The following MLLT3 variants were observed in gnomAD, a reference collection of about 807,000 sequenced individuals.
The protein encoded by MLLT3 is protein AF-9.
A neutral mutation model predicts 53.2 loss-of-function variants in MLLT3; 4 were observed. That is an observed-to-expected ratio of 0.08 (90% CI 0.04 to 0.17). MLLT3 has a LOEUF of 0.17. Ranked by LOEUF, MLLT3 falls within the 10% of genes least tolerant of loss-of-function variation. The pLI, the probability that MLLT3 is intolerant of heterozygous loss-of-function variation, is 1.00. For synonymous variants in MLLT3, 283 were observed against 230.6 expected, an observed-to-expected ratio of 1.23 and a Z score of -2.06; for missense variants, 569 against 684.0, an observed-to-expected ratio of 0.83 and a Z score of 1.87.
intron 4 of MLLT3, among the ~76,000 whole-genome samples, chr9:20,435,514 G>GT (rs1554682698): frequency 6.6e-6 from 1 of 152,110 alleles, no homozygotes; most frequent in Non-Finnish European, 1.5e-5. Flanking sequence ...CCCACAGTAG[G>GT]TACTCAAATA....
At position 20,413,771 on chromosome 9, in the gene MLLT3, C is replaced by T; in HGVS notation, c.1075G>A (p.Val359Met). ...TCCACATCTGAATCATTGGGATCCACAATATCATCAAATGGCGGTAACGTT... is the reference window on the plus strand; with the variant it reads ...TCCACATCTGAATCATTGGGATCCATAATATCATCAAATGGCGGTAACGTT... ...KSTLPPFDDI[V>M]DPNDSDVEEN... The change falls in exon 5 of 11, where the codon GTG (valine) becomes ATG (methionine). Residue 359 changes from valine (V) to methionine (M), a missense_variant. Coordinates refer to ENST00000380338, the MANE Select transcript of MLLT3 (RefSeq NM_004529.4). The T allele has an allele frequency of 1.2e-6, 2 of 1,613,362 alleles. No homozygotes were observed. The highest frequency in any genetic ancestry group is 1.7e-6 in the Non-Finnish European group (2 of 1,179,694).
chr9:20,505,875 C>A (rs1221884225), intron 2 of MLLT3, among the ~76,000 whole-genome samples: 2 of 152,140 alleles, frequency 1.3e-5, no homozygotes, highest in Non-Finnish European at 2.9e-5. Context: ...GTTTAGATAC[C>A]CCCTCAGTGT....
At chr9:20,350,594 C>CAAAAAAAAAAAA (rs774973521) in intron 10 of MLLT3, among the ~76,000 whole-genome samples, 46 of 123,956 alleles carry the variant, frequency 3.7e-4, no homozygotes, top group African/African-American at 1.9e-3. Flanking sequence ...GACTCCGTCT[C>CAAAAAAAAAAAA]AAAAAAAGAA....
intron 2 of MLLT3, chr9:20,532,608 GA>G: frequency 2.8e-5 from 7 of 253,504 alleles, no homozygotes; most frequent in Middle Eastern, 9.4e-4. Context: ...CTGCTGTCCT[GA>G]AAAAGCAGGA....
intron 3 of MLLT3, among the ~76,000 whole-genome samples, chr9:20,453,837 T>C (rs1823896719): frequency 6.6e-6 from 1 of 152,192 alleles, no homozygotes; most frequent in Non-Finnish European, 1.5e-5. Flanking sequence ...GATTACATAA[T>C]TACCATTTAT....
intron 2 of MLLT3, among the ~76,000 whole-genome samples, chr9:20,486,776 T>C (rs998400805): frequency 6.6e-6 from 1 of 152,182 alleles, no homozygotes; most frequent in Non-Finnish European, 1.5e-5. Flanking sequence ...GCATCGTTAC[T>C]GTATTACAGC....
chr9:20,399,960 C>T (rs562145015), intron 5 of MLLT3, among the ~76,000 whole-genome samples: 3 of 151,662 alleles, frequency 2.0e-5, no homozygotes, highest in East Asian at 1.9e-4. Context: ...GAAGAAAGAA[C>T]GATGGAACAA....
intron 2 of MLLT3, among the ~76,000 whole-genome samples, chr9:20,538,247 T>C (rs1263704682): frequency 2.0e-5 from 3 of 152,252 alleles, no homozygotes; most frequent in Non-Finnish European, 2.9e-5. Flanking sequence ...AGCACTGTGT[T>C]TAATCCAATT....
At chr9:20,454,607 T>C (rs1203491026) in intron 3 of MLLT3, among the ~76,000 whole-genome samples, 1 of 152,206 alleles carries the variant, frequency 6.6e-6, no homozygotes, top group Non-Finnish European at 1.5e-5. Flanking sequence ...TTTAATTTCT[T>C]TGAGTTAAGA....
rs1309088931 is a variant in MLLT3 at position 20,584,406 on chromosome 9, C to G, written c.193+36248G>C. ...AAATCACTTCCACATTTCTGGGTAT[C>G]TTTTCAGCAAAGCCCCACTCTACTG... On this transcript the variant is annotated intron_variant, in intron 2 of 10. Coordinates refer to ENST00000380338, the MANE Select transcript of MLLT3 (RefSeq NM_004529.4). Among the ~76,000 whole-genome samples, 4 of 152,174 alleles carry G rather than the reference C, an allele frequency of 2.6e-5. No individual in the cohort carries two copies. In the East Asian group the frequency reaches 7.7e-4, roughly 29 times the overall value.
In MLLT3 at chr9:20,621,999, CG is replaced by C; in HGVS notation, c.12+245del. On this transcript the variant is annotated intron_variant, in intron 1 of 10. Coordinates refer to ENST00000380338, the MANE Select transcript of MLLT3 (RefSeq NM_004529.4). The surrounding 1 kb of genome is among the most constrained non-coding windows in gnomAD (Gnocchi z 7.0). ...AAAGAGGCGAGGAGGGAGGGAGGCGCGGGGGGTGGAGGGGCGAGTGTGAGCG... is the reference window on the plus strand; with the variant it reads ...AAAGAGGCGAGGAGGGAGGGAGGCGCGGGGGTGGAGGGGCGAGTGTGAGCG... The C allele has an allele frequency of 4.1e-6, 5 of 1,217,744 alleles. No homozygotes were observed. Among genetic ancestry groups the C allele is most frequent in the Admixed American group, 4.5e-5 (1 of 22,248 alleles). The allele number at this position is 1,217,744 out of a possible 1,614,324, so 75.4% of individuals were successfully genotyped here.
intron 2 of MLLT3, among the ~76,000 whole-genome samples, chr9:20,508,425 G>T (rs73648224): frequency 0.05 from 7,668 of 152,186 alleles, 271 homozygotes; most frequent in Middle Eastern, 0.1. Context: ...GGACACTACC[G>T]CAGTGCCAAC....
In MLLT3 at chr9:20,529,076, C is replaced by A. The variant is rs1173351806; in HGVS notation, c.194-72290G>T. 2.0e-5 allele frequency among the ~76,000 whole-genome samples: 3 copies of A among 151,990 alleles called. No homozygotes were observed. In the South Asian group the frequency reaches 6.3e-4, roughly 32 times the overall value. On this transcript the variant is annotated intron_variant, in intron 2 of 10. Coordinates refer to ENST00000380338, the MANE Select transcript of MLLT3 (RefSeq NM_004529.4). ...CCTGGATCAGGGTTATCAACTCTGA[C>A]TGAACATTAAAATCATCTTGGGACA...
intron 2 of MLLT3, among the ~76,000 whole-genome samples, chr9:20,459,273 A>T (rs1243271475): frequency 6.6e-6 from 1 of 152,220 alleles, no homozygotes; most frequent in Non-Finnish European, 1.5e-5. Flanking sequence ...GAGACATCTC[A>T]CATGACCTTA....
chr9:20,534,976 G>A (rs1203340867), intron 2 of MLLT3, among the ~76,000 whole-genome samples: 2 of 151,758 alleles, frequency 1.3e-5, no homozygotes, highest in African/African-American at 2.4e-5. Flanking sequence ...AACTAATCAT[G>A]GTTTGCTCAA....
At chr9:20,587,126 T>A (rs1819990066) in intron 2 of MLLT3, among the ~76,000 whole-genome samples, 1 of 144,964 alleles carries the variant, frequency 6.9e-6, no homozygotes, top group Admixed American at 7.0e-5. Flanking sequence ...TAGATTTTTT[T>A]AAACAAAAGT....
At chr9:20,443,717 G>A (rs550030265) in intron 4 of MLLT3, among the ~76,000 whole-genome samples, 1 of 152,294 alleles carries the variant, frequency 6.6e-6, no homozygotes, top group East Asian at 1.9e-4. Flanking sequence ...AGATGGTTAA[G>A]CATCTGCTGA....
chr9:20,550,339 G>A (rs373006270), intron 2 of MLLT3, among the ~76,000 whole-genome samples: 15 of 152,160 alleles, frequency 9.9e-5, no homozygotes, highest in African/African-American at 3.6e-4. Context: ...ATTTCACCCT[G>A]GCTTTCCACC....
At chr9:20,380,252 T>A (rs1156282377) in intron 5 of MLLT3, 1 of 151,916 alleles carries the variant, frequency 6.6e-6, no homozygotes, top group Non-Finnish European at 1.5e-5. Context: ...CCGGTAAAGG[T>A]CTTCTCCTCA....
Sources: allele counts gnomAD v4.1 joint callset (sites outside exome capture counted in the v4.1 genomes callset), GRCh38; gene constraint gnomAD v4.1.1; non-coding constraint Gnocchi (gnomAD v3.1); transcripts MANE v1.5; gene names NCBI Gene and HGNC (gene_info 2026-07-23, HGNC 2026-07-21).